PSMA1: variants seen among roughly 807,000 people sequenced by gnomAD.
PSMA1 encodes the protein proteasome subunit alpha type-1.
PSMA1 carries 3 observed loss-of-function variants against 38.4 expected under a neutral mutation model. The ratio of observed to expected loss-of-function variants is 0.08; its 90% confidence interval spans 0.04 to 0.20. The LOEUF is 0.20. Ranked by LOEUF, PSMA1 falls within the 10% of genes least tolerant of loss-of-function variation. PSMA1 has a pLI of 1.00. For missense variants in PSMA1, 227 were observed against 325.3 expected, an observed-to-expected ratio of 0.70 and a Z score of 2.32; for synonymous variants, 101 against 107.1, an observed-to-expected ratio of 0.94 and a Z score of 0.35.
At chr11:14,576,964 G>C (rs1331408259) in intron 2 of PSMA1, among the ~76,000 whole-genome samples, 1 of 152,130 alleles carries the variant, frequency 6.6e-6, no homozygotes, top group Admixed American at 6.5e-5. Flanking sequence ...GTTGAGCAGT[G>C]TTTTGTAGTT....
intron 5 of PSMA1, 117 bp downstream of exon 5, chr11:14,514,286 G>A: frequency 1.4e-6 from 2 of 1,390,624 alleles, no homozygotes; most frequent in Non-Finnish European, 1.9e-6. Context: ...CCAATTTGTT[G>A]TTTTAAAGTT....
intron 1 of PSMA1, among the ~76,000 whole-genome samples, chr11:14,631,001 T>C (rs113950607): frequency 2.0e-5 from 3 of 152,220 alleles, no homozygotes; most frequent in South Asian, 2.1e-4. Flanking sequence ...TCTGTAGGAT[T>C]GGTGGTGATA....
intron 2 of PSMA1, among the ~76,000 whole-genome samples, chr11:14,588,578 C>T (rs1188319729): frequency 2.0e-5 from 3 of 152,128 alleles, no homozygotes; most frequent in Admixed American, 6.5e-5. Flanking sequence ...TAATCCACAA[C>T]ACATGGGGAT....
intron 1 of PSMA1, among the ~76,000 whole-genome samples, chr11:14,629,997 T>G (rs1387758680): frequency 1.3e-5 from 2 of 152,082 alleles, no homozygotes; most frequent in East Asian, 1.9e-4. Flanking sequence ...ATGCTTGTGA[T>G]TTTTGTACAT....
chr11:14,604,308 C>G (rs1183793141), intron 2 of PSMA1, among the ~76,000 whole-genome samples: 1 of 152,132 alleles, frequency 6.6e-6, no homozygotes, highest in African/African-American at 2.4e-5. Flanking sequence ...ATGATCCACC[C>G]ACCTCGGCCT....
At chr11:14,514,118 T>C in intron 5 of PSMA1, 1 of 1,320,018 alleles carries the variant, frequency 7.6e-7, no homozygotes, top group Non-Finnish European at 9.6e-7. Context: ...AAACCTGATT[T>C]GTTTTGGATA....
Position 14,528,922 on chromosome 11 carries a change from T to C in PSMA1, c.22-9881A>G, listed in dbSNP as rs1377267979. Among the ~76,000 whole-genome samples, 51 of 152,172 alleles carry C rather than the reference T, an allele frequency of 3.4e-4. No individual in the cohort carries two copies. The East Asian group carries it at 8.7e-3, about 26-fold the overall frequency. ...AACTCCACTGCCTATCCCAAAATCTTTAAGAACTAATTAATGATAATCCAC... is the reference window on the plus strand; with the variant it reads ...AACTCCACTGCCTATCCCAAAATCTCTAAGAACTAATTAATGATAATCCAC... On this transcript the variant is annotated intron_variant, in intron 2 of 10. Coordinates refer to the PSMA1 transcript ENST00000418988.
chr11:14,590,966 C>T (rs1216026356), intron 2 of PSMA1, among the ~76,000 whole-genome samples: 2 of 152,252 alleles, frequency 1.3e-5, no homozygotes, highest in African/African-American at 4.8e-5. Context: ...CCCACTTTAG[C>T]GGCACTTGAG....
chr11:14,556,994 C>CT (rs1293033479), intron 2 of PSMA1, among the ~76,000 whole-genome samples: 2 of 152,196 alleles, frequency 1.3e-5, no homozygotes, highest in East Asian at 1.9e-4. Flanking sequence ...TACCCAGCTA[C>CT]TTTTTTTATT....
intron 2 of PSMA1, among the ~76,000 whole-genome samples, chr11:14,577,658 C>A (rs1438380586): frequency 6.6e-6 from 1 of 152,132 alleles, no homozygotes; most frequent in African/African-American, 2.4e-5. Context: ...AATTCCCTGG[C>A]AAATGTAGGT....
chr11:14,518,731 C>A (rs113917723), intron 2 of PSMA1, among the ~76,000 whole-genome samples: 72 of 152,214 alleles, frequency 4.7e-4, no homozygotes, highest in African/African-American at 1.7e-3. Flanking sequence ...TTTACTCTCT[C>A]TATATATATA....
In PSMA1 at chr11:14,610,039, T is replaced by C. The variant is rs573763539; in HGVS notation, c.21+927A>G. On this transcript the variant is annotated intron_variant, in intron 2 of 10. Transcript: ENST00000418988. ...GTTTGGTGGCAGTCACAGCCAATTT[T>C]CAGGAGTCAGGAAATTGTGAGCTTA... is the stretch of plus-strand genomic sequence containing the variant. 2.6e-5 allele frequency among the ~76,000 whole-genome samples: 4 copies of C among 152,300 alleles called. No homozygotes were observed. The East Asian group carries it at 7.7e-4, about 29-fold the overall frequency.
intron 2 of PSMA1, among the ~76,000 whole-genome samples, chr11:14,541,766 G>A (rs1851775853): frequency 6.6e-6 from 1 of 152,186 alleles, no homozygotes; most frequent in Non-Finnish European, 1.5e-5. Flanking sequence ...CACATGGCAT[G>A]GAAAATTTGC....
chr11:14,561,736 G>GA (rs1164660213), intron 2 of PSMA1, among the ~76,000 whole-genome samples: 10 of 152,122 alleles, frequency 6.6e-5, no homozygotes, highest in Admixed American at 6.6e-4. Flanking sequence ...TGGGGGCACA[G>GA]AGGTGGATAC....
Position 14,505,013 on chromosome 11 carries a change from T to G in PSMA1, c.*179A>C. ...ATACAGACCCTTTCAAAGAAAAATG[T>G]ATTCCATTATATAGGTTTCAGTGAG... On this transcript the variant is annotated 3_prime_UTR_variant, in exon 10 of 10. Transcript: ENST00000396394. The G allele has an allele frequency of 1.5e-5, 9 of 589,172 alleles. No homozygotes were observed. The highest frequency in any genetic ancestry group is 1.8e-5 in the African/African-American group (1 of 54,158). The allele number at this position is 589,172 out of a possible 1,614,324, so 36.5% of individuals were successfully genotyped here.
At chr11:14,518,958 A>C in intron 2 of PSMA1, 39 bp downstream of exon 2, 1 of 1,494,550 alleles carries the variant, frequency 6.7e-7, no homozygotes, top group Non-Finnish European at 9.1e-7. Context: ...CAGCCACAAA[A>C]AGCCACTTCA....
intron 1 of PSMA1, among the ~76,000 whole-genome samples, chr11:14,636,499 C>T (rs541179934): frequency 5.3e-5 from 8 of 152,254 alleles, no homozygotes; most frequent in South Asian, 4.1e-4. Context: ...ATCCTCTTCT[C>T]TTCTCACACT....
intron 2 of PSMA1, among the ~76,000 whole-genome samples, chr11:14,587,154 C>G (rs1852356291): frequency 6.6e-6 from 1 of 152,152 alleles, no homozygotes; most frequent in Non-Finnish European, 1.5e-5. Context: ...CCATTCCCAC[C>G]CTTTCCCTGC....
chr11:14,613,738 T>C (rs919943141), intron 1 of PSMA1, among the ~76,000 whole-genome samples: 1 of 152,132 alleles, frequency 6.6e-6, no homozygotes, highest in Admixed American at 6.5e-5. Context: ...GGAAGAACAG[T>C]ATTTCAGTTC....
Sources: gnomAD v4.1 joint callset for allele counts (sites outside exome capture counted in the v4.1 genomes callset) on GRCh38, gnomAD v4.1.1 for gene constraint, MANE v1.5 for transcripts, NCBI Gene and HGNC (gene_info 2026-07-23, HGNC 2026-07-21) for gene names.